Variants in PIK3C3 observed in about 807,000 individuals in gnomAD.
PIK3C3 encodes the protein phosphatidylinositol 3-kinase catalytic subunit type 3.
Under a neutral mutation model 126.1 loss-of-function variants are expected in PIK3C3, and 95 were observed. That is an observed-to-expected ratio of 0.75 (90% CI 0.64 to 0.89). PIK3C3 has a LOEUF of 0.89. Among genes scored for constraint, PIK3C3 ranks in the 40% least tolerant of loss-of-function variants. The pLI, the probability that PIK3C3 is intolerant of heterozygous loss-of-function variation, is 0.00. For missense variants in PIK3C3, 829 were observed against 1,063.2 expected, an observed-to-expected ratio of 0.78 and a Z score of 3.06; for synonymous variants, 374 against 360.0, an observed-to-expected ratio of 1.04 and a Z score of -0.44.
chr18:41,979,064 TAAAAAAA>T (rs5824388), intron 4 of PIK3C3, among the ~76,000 whole-genome samples: 1 of 93,768 alleles, frequency 1.1e-5, no homozygotes, highest in African/African-American at 4.3e-5. Flanking sequence ...CCCCGTCTCT[TAAAAAAA>T]AAAAAAAAAA....
intron 4 of PIK3C3, among the ~76,000 whole-genome samples, chr18:41,978,917 A>G (rs1365610981): frequency 6.6e-6 from 1 of 151,870 alleles, no homozygotes; most frequent in Non-Finnish European, 1.5e-5. Context: ...TTCCCTTTTA[A>G]TTTTACATGT....
chr18:41,995,084 CTT>C (rs1981963398), intron 7 of PIK3C3, among the ~76,000 whole-genome samples: 2 of 144,140 alleles, frequency 1.4e-5, no homozygotes, highest in Admixed American at 1.4e-4. Context: ...TAGGGAAAGA[CTT>C]TTTAACTGTG....
intron 7 of PIK3C3, among the ~76,000 whole-genome samples, chr18:41,994,310 T>A (rs1307204589): frequency 6.6e-6 from 1 of 152,192 alleles, no homozygotes; most frequent in African/African-American, 2.4e-5. Context: ...AATCCCAAAT[T>A]GGCACTGAAT....
chr18:42,076,446 G>A (rs1156605167), intron 24 of PIK3C3, among the ~76,000 whole-genome samples: 1 of 151,990 alleles, frequency 6.6e-6, no homozygotes, highest in East Asian at 1.9e-4. Flanking sequence ...GGAGTCGCCA[G>A]GAGCTGTTAA....
At chr18:42,064,148 AT>A (rs971038201) in intron 22 of PIK3C3, among the ~76,000 whole-genome samples, 3 of 152,206 alleles carry the variant, frequency 2.0e-5, no homozygotes, top group Non-Finnish European at 4.4e-5. Context: ...CTCTGAAGAT[AT>A]CATTATTTAG....
rs756438946 is a variant in PIK3C3 at position 41,957,583 on chromosome 18, G to C, written c.82G>C (p.Gly28Arg). Residue 28 changes from glycine (G) to arginine (R), a missense_variant, in exon 2 of 25, where the codon GGG becomes CGG. By Grantham distance (125) the Gly-to-Arg change is moderately radical (BLOSUM62 -2). Coordinates refer to ENST00000262039, the MANE Select transcript of PIK3C3 (RefSeq NM_002647.4). Reference sequence around the variant, plus strand: ...TTGTGCTTTCAGAGGAAGCTTGGAAGGGAAGAGAGAACAAAAGAGTTATAA... The same window carrying C: ...TTGTGCTTTCAGAGGAAGCTTGGAACGGAAGAGAGAACAAAAGAGTTATAA... ...NVQLKIGSLE[G>R]KREQKSYKAV... The C allele has an allele frequency of 1.2e-6, 2 of 1,607,764 alleles. No individual in the cohort carries two copies. Among genetic ancestry groups the C allele is most frequent in the East Asian group, 4.5e-5 (2 of 44,820 alleles).
In PIK3C3 at chr18:41,970,408, C is replaced by A; in HGVS notation, c.483C>A (p.Gly161=). ...ADGSEPTKTP[G]RTSSTLSEDQ... Reference sequence around the variant, plus strand: ...GATCAGAACCCACAAAAACTCCTGGCAGAACAAGTAGCACTCTCTCAGAAG... The same window carrying A: ...GATCAGAACCCACAAAAACTCCTGGAAGAACAAGTAGCACTCTCTCAGAAG... Residue 161 remains glycine (G), a synonymous_variant, in exon 4 of 25, where the codon GGC becomes GGA. Coordinates refer to ENST00000262039, the MANE Select transcript of PIK3C3 (RefSeq NM_002647.4). 6.2e-7 allele frequency: 1 copy of A among 1,613,724 alleles called. No homozygotes were observed. The highest frequency in any genetic ancestry group is 1.1e-5 in the South Asian group (1 of 91,062).
chr18:42,051,271 AATCAGTGTTG>A (rs1472707307), intron 21 of PIK3C3: 1 of 152,226 alleles, frequency 6.6e-6, no homozygotes, highest in Non-Finnish European at 1.5e-5. Context: ...GTGTTCAATA[AATCAGTGTTG>A]AATTAATGAT....
At chr18:41,971,887 T>A (rs1313828327) in intron 4 of PIK3C3, among the ~76,000 whole-genome samples, 1 of 152,078 alleles carries the variant, frequency 6.6e-6, no homozygotes, top group Non-Finnish European at 1.5e-5. Flanking sequence ...AGCTTTATAG[T>A]TGCACAGTGT....
chr18:42,017,272 A>C (rs1983118754), intron 12 of PIK3C3, among the ~76,000 whole-genome samples: 1 of 152,118 alleles, frequency 6.6e-6, no homozygotes. Context: ...ACACCTGAGC[A>C]GTATCTTATG....
At chr18:42,051,903 A>C (rs2144494236) in intron 21 of PIK3C3, among the ~76,000 whole-genome samples, 1 of 152,196 alleles carries the variant, frequency 6.6e-6, no homozygotes, top group East Asian at 1.9e-4. Flanking sequence ...GCAGCACACC[A>C]ACATGGCACA....
At chr18:41,962,785 A>G (rs1980162514) in intron 3 of PIK3C3, among the ~76,000 whole-genome samples, 153 bp downstream of exon 3, 1 of 152,226 alleles carries the variant, frequency 6.6e-6, no homozygotes, top group African/African-American at 2.4e-5. Flanking sequence ...ACTGATTTTA[A>G]CATATATTTC....
chr18:42,037,628 T>C, intron 16 of PIK3C3, 64 bp from the exon 17 acceptor site: 3 of 1,406,600 alleles, frequency 2.1e-6, no homozygotes, highest in Non-Finnish European at 3.0e-6. Context: ...TTTTCTTGTA[T>C]GTATAGTACA....
chr18:42,048,795 T>C (rs1183726664), intron 20 of PIK3C3, among the ~76,000 whole-genome samples: 3 of 152,184 alleles, frequency 2.0e-5, no homozygotes, highest in African/African-American at 7.2e-5. Flanking sequence ...AAACAGGTTT[T>C]TGTAAATATT....
chr18:42,078,160 G>A (rs890495914), intron 24 of PIK3C3, among the ~76,000 whole-genome samples: 3 of 151,818 alleles, frequency 2.0e-5, no homozygotes, highest in African/African-American at 7.3e-5. Flanking sequence ...GGTGGATCAT[G>A]AGGTCAGGAG....
intron 9 of PIK3C3, among the ~76,000 whole-genome samples, chr18:42,003,664 G>A (rs1982400155): frequency 6.6e-6 from 1 of 152,170 alleles, no homozygotes; most frequent in Admixed American, 6.6e-5. Context: ...TGACAGTCTT[G>A]TGAAAACTTC....
rs190186486 is a variant in PIK3C3, at chr18:42,000,862, C to T, written c.985-3494C>T. Among the ~76,000 whole-genome samples, 3 of 152,266 alleles carry T rather than the reference C, an allele frequency of 2.0e-5. No individual in the cohort carries two copies. In the East Asian group the frequency reaches 5.8e-4, roughly 29 times the overall value. The stretch of plus-strand genomic sequence containing the variant: ...CTGCCCACGTGATTCAGTTACCTCC[C>T]ACCATGTCCCTCTCATAACACGTGG... On this transcript the variant is annotated intron_variant, in intron 9 of 24. Transcript: ENST00000262039.
chr18:42,007,778 A>G (rs1486270083), intron 10 of PIK3C3, among the ~76,000 whole-genome samples: 1 of 152,226 alleles, frequency 6.6e-6, no homozygotes, highest in Admixed American at 6.5e-5. Flanking sequence ...ATGGTAGCTG[A>G]AAAGCAGTCT....
chr18:42,057,660 T>C lies in PIK3C3; in HGVS notation c.2264-223T>C, dbSNP rs193120539. ...TTAGATTACCATTACTGTGACATGA[T>C]TTTAGGCATAGTTTCGTGTGAACGA... is the stretch of plus-strand genomic sequence containing the variant. On this transcript the variant is annotated intron_variant, in intron 21 of 24. Coordinates refer to ENST00000262039, the MANE Select transcript of PIK3C3 (RefSeq NM_002647.4). The C allele has an allele frequency of 1.3e-5, 6 of 468,200 alleles. No homozygotes were observed. In the East Asian group the frequency reaches 2.4e-4, roughly 19 times the overall value. 29.0% of individuals were successfully genotyped at this position (468,200 alleles called of 1,614,324 possible).
Sources: gnomAD v4.1 joint callset for allele counts (sites outside exome capture counted in the v4.1 genomes callset) on GRCh38, gnomAD v4.1.1 for gene constraint, MANE v1.5 for transcripts, NCBI Gene and HGNC (gene_info 2026-07-23, HGNC 2026-07-21) for gene names.